The following SPHKAP variants were observed in gnomAD, a reference collection of about 807,000 sequenced individuals.
SPHKAP encodes the protein A-kinase anchor protein SPHKAP.
A neutral mutation model predicts 137.5 loss-of-function variants in SPHKAP; 67 were observed. The observed-to-expected ratio is 0.49, with a 90% CI of 0.40 to 0.60. The LOEUF (loss-of-function observed/expected upper bound fraction) is 0.60. SPHKAP is among the 20% of genes least tolerant of loss of function. The probability of loss-of-function intolerance (pLI) is 0.00; values close to 1 mark genes in which losing one functional copy is unlikely to be tolerated. For missense variants in SPHKAP, 2,097 were observed against 2,069.3 expected, an observed-to-expected ratio of 1.01 and a Z score of -0.26; for synonymous variants, 813 against 785.3, an observed-to-expected ratio of 1.04 and a Z score of -0.59.
chr2:227,986,097 G>A (rs568007492), intron 11 of SPHKAP, among the ~76,000 whole-genome samples: 8 of 152,276 alleles, frequency 5.3e-5, no homozygotes, highest in Admixed American at 6.5e-5. Context: ...ACTCTAACGT[G>A]CACTAAATCT....
chr2:228,167,398 C>A (rs1487354123), intron 1 of SPHKAP, among the ~76,000 whole-genome samples: 1 of 152,012 alleles, frequency 6.6e-6, no homozygotes, highest in Non-Finnish European at 1.5e-5. Context: ...AGTCAACGTA[C>A]CTTTTTAATC....
rs573145567 is a variant in SPHKAP, at chr2:228,036,596, C to T, written c.247-9053G>A. Among the ~76,000 whole-genome samples the T allele has an allele frequency of 1.0e-3, 153 of 151,938 alleles. 1 individual carries two copies. Among genetic ancestry groups the T allele is most frequent in the African/African-American group, 3.4e-3 (140 of 41,400 alleles). ...GACACATGCACACGTATGTTTATTG[C>T]GGCACTATTCACAATAGCAAAGACT... On this transcript the variant is annotated intron_variant, in intron 3 of 11. Transcript: ENST00000392056.
chr2:228,016,657 T>G lies in SPHKAP; in HGVS notation c.4197A>C (p.Leu1399Phe). Residue 1399 changes from leucine (L) to phenylalanine (F), a missense_variant, in exon 7 of 12, where the codon TTA (leucine) becomes TTC (phenylalanine). Leu to Phe is a conservative substitution (Grantham distance 22). Coordinates refer to ENST00000392056, the MANE Select transcript of SPHKAP (RefSeq NM_001142644.2). ...ACGAGGAAGTTTCTTTTTTAGAATC[T>G]AAAGGGCTGTGGTTTGTAAGAGAAG... ...KTASLTNHSP[L>F]DSKKETSSCQ... 1 of 1,614,038 alleles carries G rather than the reference T, an allele frequency of 6.2e-7. No individual in the cohort carries two copies. Among genetic ancestry groups the G allele is most frequent in the Non-Finnish European group, 8.5e-7 (1 of 1,180,004 alleles).
chr2:228,008,039 G>C (rs1694209214), intron 7 of SPHKAP, among the ~76,000 whole-genome samples: 1 of 152,066 alleles, frequency 6.6e-6, no homozygotes, highest in Non-Finnish European at 1.5e-5. Context: ...TTATGTTGTT[G>C]AGTTTTAAGA....
At position 228,138,449 on chromosome 2, in the gene SPHKAP, C is replaced by G. The variant is rs1699501087; in HGVS notation, c.33-6364G>C. On this transcript the variant is annotated intron_variant, in intron 1 of 11. Coordinates refer to ENST00000392056, the MANE Select transcript of SPHKAP (RefSeq NM_001142644.2). ...TGTGTACATTTTTCTGGTTTCATCTCCTAGGTAAGAAGTTTATATTTTTTT... is the reference window on the plus strand; with the variant it reads ...TGTGTACATTTTTCTGGTTTCATCTGCTAGGTAAGAAGTTTATATTTTTTT... Among the ~76,000 whole-genome samples the G allele has an allele frequency of 2.6e-5, 4 of 152,146 alleles. No homozygotes were observed. The South Asian group carries it at 8.3e-4, about 32-fold the overall frequency.
At chr2:228,083,450 T>G (rs1444149546) in intron 3 of SPHKAP, among the ~76,000 whole-genome samples, 1 of 152,230 alleles carries the variant, frequency 6.6e-6, no homozygotes, top group Non-Finnish European at 1.5e-5. Flanking sequence ...TTGATAAGCT[T>G]TTTTTCTATG....
chr2:227,984,738 G>A (rs376642757), intron 11 of SPHKAP, among the ~76,000 whole-genome samples: 9 of 152,286 alleles, frequency 5.9e-5, no homozygotes, highest in African/African-American at 1.7e-4. Context: ...AGAGTTCCTG[G>A]TGCAGAAGGC....
At chr2:228,113,995 C>A (rs1312192421) in intron 2 of SPHKAP, among the ~76,000 whole-genome samples, 1 of 152,104 alleles carries the variant, frequency 6.6e-6, no homozygotes, top group Non-Finnish European at 1.5e-5. Flanking sequence ...AAGAAGAATG[C>A]TTGAAGGAAG....
intron 9 of SPHKAP, among the ~76,000 whole-genome samples, chr2:227,992,037 A>G (rs1693431735): frequency 6.6e-6 from 1 of 152,154 alleles, no homozygotes; most frequent in Non-Finnish European, 1.5e-5. Context: ...CTTATTACAG[A>G]ACCTTGCATG....
chr2:228,044,264 T>A (rs1318807318), intron 3 of SPHKAP, among the ~76,000 whole-genome samples: 7 of 152,190 alleles, frequency 4.6e-5, no homozygotes, highest in African/African-American at 9.7e-5. Context: ...AAGGCACAAC[T>A]TGAGTGACTC....
At chr2:228,179,416 G>A (rs913618287) in intron 1 of SPHKAP, among the ~76,000 whole-genome samples, 4 of 152,008 alleles carry the variant, frequency 2.6e-5, no homozygotes, top group Non-Finnish European at 5.9e-5. Context: ...TTTTCTTTTT[G>A]CATCCCAATC....
At chr2:228,090,466 T>C (rs1002616323) in intron 3 of SPHKAP, among the ~76,000 whole-genome samples, 2 of 152,188 alleles carry the variant, frequency 1.3e-5, no homozygotes, top group Non-Finnish European at 2.9e-5. Context: ...TTCGAGTTGA[T>C]GCTGAAATGA....
chr2:228,017,033 A>C lies in SPHKAP; in HGVS notation c.3821T>G (p.Val1274Gly), dbSNP rs577642349. The C allele has an allele frequency of 1.2e-6, 2 of 1,614,076 alleles. No individual in the cohort carries two copies. The highest frequency in any genetic ancestry group is 2.2e-5 in the South Asian group (2 of 91,074). Residue 1274 changes from valine to glycine, a missense_variant, in exon 7 of 12, where the codon GTG becomes GGG. By Grantham distance (109) the Val-to-Gly change is moderately radical. Transcript: ENST00000392056. The stretch of plus-strand genomic sequence containing the variant: ...TGAGGACGCGCTACTGACCGGCTGC[A>C]CGCTTAGGAAATCTTGTGGGCAGTT... ...AQNCPQDFLS[V>G]QPVSSASSSG...
At chr2:228,096,702 G>A (rs1480241484) in intron 3 of SPHKAP, among the ~76,000 whole-genome samples, 1 of 151,758 alleles carries the variant, frequency 6.6e-6, no homozygotes, top group South Asian at 2.1e-4. Flanking sequence ...CAGATGCTGT[G>A]GTGCTGCTGG....
At chr2:228,054,777 C>T (rs1347491781) in intron 3 of SPHKAP, among the ~76,000 whole-genome samples, 2 of 152,042 alleles carry the variant, frequency 1.3e-5, no homozygotes, top group African/African-American at 4.8e-5. Flanking sequence ...GCCCAAGACT[C>T]ATTGAGTGTG....
chr2:228,178,968 GTA>G (rs1358285779), intron 1 of SPHKAP, among the ~76,000 whole-genome samples: 1 of 151,310 alleles, frequency 6.6e-6, no homozygotes, highest in Non-Finnish European at 1.5e-5. Context: ...AGTTTCTGAA[GTA>G]TATGAGTCAA....
At chr2:228,080,937 G>A (rs545506422) in intron 3 of SPHKAP, among the ~76,000 whole-genome samples, 1 of 152,040 alleles carries the variant, frequency 6.6e-6, no homozygotes, top group Non-Finnish European at 1.5e-5. Context: ...ACAGTATGGA[G>A]GTTCCTCAAA....
intron 1 of SPHKAP, among the ~76,000 whole-genome samples, chr2:228,164,960 G>A (rs1467799633): frequency 3.3e-5 from 5 of 151,984 alleles, no homozygotes; most frequent in Non-Finnish European, 7.4e-5. Context: ...TCTCTCCATT[G>A]GTACCATGAG....
intron 3 of SPHKAP, among the ~76,000 whole-genome samples, chr2:228,048,967 C>T (rs377454936): frequency 2.6e-5 from 4 of 152,232 alleles, no homozygotes; most frequent in African/African-American, 9.6e-5. Context: ...CTATAAGCAA[C>T]ACGCGATTGC....
Sources: gnomAD v4.1 joint callset for allele counts (sites outside exome capture counted in the v4.1 genomes callset) on GRCh38, gnomAD v4.1.1 for gene constraint, MANE v1.5 for transcripts, NCBI Gene and HGNC (gene_info 2026-07-23, HGNC 2026-07-21) for gene names.